SLC16A12: variants seen among roughly 807,000 people sequenced by gnomAD.
SLC16A12 encodes monocarboxylate transporter 12.
In SLC16A12, 17 loss-of-function variants were observed where a neutral mutation model predicts 42.4. The ratio of observed to expected loss-of-function variants is 0.40; its 90% CI spans 0.27 to 0.60. The LOEUF (loss-of-function observed/expected upper bound fraction) is 0.60. Ranked by LOEUF, SLC16A12 falls within the 20% of genes least tolerant of loss-of-function variation. The pLI, the probability that SLC16A12 is intolerant of heterozygous loss-of-function variation, is 0.42. For missense variants in SLC16A12, 544 were observed against 623.0 expected (o/e 0.87, Z 1.35); for synonymous variants, 224 against 229.4 (o/e 0.98, Z 0.21).
chr10:89,530,403 A>C (rs1252043890), intron 2 of SLC16A12, among the ~76,000 whole-genome samples: 1 of 152,010 alleles, frequency 6.6e-6, no homozygotes, highest in African/African-American at 2.4e-5. Context: ...TTAAAATGTA[A>C]AATTTGGTGG....
At chr10:89,539,974 T>C (rs1426712110), upstream of SLC16A12, among the ~76,000 whole-genome samples, 2 of 151,114 alleles carry the variant, frequency 1.3e-5, no homozygotes, top group East Asian at 3.9e-4. Context: ...TCTTTCTTTC[T>C]CTCTTTCTTT....
chr10:89,495,586 C>G (rs764014344), intron 2 of SLC16A12, among the ~76,000 whole-genome samples: 4 of 152,190 alleles, frequency 2.6e-5, no homozygotes, highest in Non-Finnish European at 4.4e-5. Context: ...TTTAATACAC[C>G]TAACCCACTG....
chr10:89,500,619 G>A (rs1842980234), intron 2 of SLC16A12, among the ~76,000 whole-genome samples: 1 of 152,072 alleles, frequency 6.6e-6, no homozygotes, highest in Admixed American at 6.6e-5. Flanking sequence ...AAAATCCTCA[G>A]CAAAATCGGC....
chr10:89,526,794 A>T (rs1158854706), intron 2 of SLC16A12, among the ~76,000 whole-genome samples: 1 of 152,112 alleles, frequency 6.6e-6, no homozygotes, highest in Non-Finnish European at 1.5e-5. Context: ...ACACAGCTCC[A>T]GAGGTGCTCC....
chr10:89,464,247 T>A lies in SLC16A12; in HGVS notation c.-46-1623A>T, dbSNP rs186685647. On this transcript the variant is annotated intron_variant, in intron 2 of 7. Coordinates refer to ENST00000371790, the MANE Select transcript of SLC16A12 (RefSeq NM_213606.4). The stretch of plus-strand genomic sequence containing the variant: ...GCCTGGAAGCAGATTTTCCCCTAAA[T>A]TGAGCCTCCAGTTAAGGACAGTCTC... 4.8e-3 allele frequency among the ~76,000 whole-genome samples: 738 copies of A among 152,306 alleles called. 27 individuals are homozygous for A. Among genetic ancestry groups the A allele is most frequent in the Admixed American group, 0.043 (664 of 15,276 alleles).
intron 2 of SLC16A12, among the ~76,000 whole-genome samples, chr10:89,473,962 C>T (rs1361612893): frequency 6.6e-6 from 1 of 152,202 alleles, no homozygotes. Flanking sequence ...ATCAGCCTCA[C>T]TCCTAGCCCA....
intron 2 of SLC16A12, among the ~76,000 whole-genome samples, chr10:89,546,796 AT>A (rs139877623): frequency 0.095 from 14,394 of 152,316 alleles, 732 homozygotes; most frequent in Non-Finnish European, 0.11. Flanking sequence ...ATGCCCATCA[AT>A]GATAGACTGG....
intron 2 of SLC16A12, among the ~76,000 whole-genome samples, chr10:89,476,594 C>A (rs1842584953): frequency 6.6e-6 from 1 of 152,196 alleles, no homozygotes; most frequent in Non-Finnish European, 1.5e-5. Context: ...CTTCCCAGTT[C>A]TCTGGTTCAG....
intron 3 of SLC16A12, among the ~76,000 whole-genome samples, chr10:89,448,739 G>A (rs554928031): frequency 6.6e-6 from 1 of 152,298 alleles, no homozygotes; most frequent in Admixed American, 6.5e-5. Context: ...TTAACATAGT[G>A]TTGGACGTTC....
intron 2 of SLC16A12, among the ~76,000 whole-genome samples, chr10:89,533,755 G>C (rs1473448467): frequency 6.6e-6 from 1 of 151,096 alleles, no homozygotes; most frequent in East Asian, 1.9e-4. Flanking sequence ...TAAAATTAAA[G>C]GTTTGCACCT....
chr10:89,495,828 T>C (rs1202249740), intron 2 of SLC16A12, among the ~76,000 whole-genome samples: 3 of 152,204 alleles, frequency 2.0e-5, no homozygotes, highest in Non-Finnish European at 4.4e-5. Context: ...GAAAGTTGTC[T>C]TACTACATAT....
intron 2 of SLC16A12, among the ~76,000 whole-genome samples, chr10:89,495,058 C>T (rs1459009963): frequency 6.6e-6 from 1 of 152,080 alleles, no homozygotes; most frequent in East Asian, 1.9e-4. Context: ...TCTAAAAACA[C>T]TAGGAACTGG....
At chr10:89,468,548 CCATT>C (rs546256919) in intron 2 of SLC16A12, among the ~76,000 whole-genome samples, 65 of 152,282 alleles carry the variant, frequency 4.3e-4, no homozygotes, top group African/African-American at 1.5e-3. Flanking sequence ...CGCTTAAGCA[CCATT>C]CATGTGAGTG....
chr10:89,519,714 T>C (rs1299838771), intron 2 of SLC16A12, among the ~76,000 whole-genome samples: 1 of 151,764 alleles, frequency 6.6e-6, no homozygotes, highest in African/African-American at 2.4e-5. Flanking sequence ...GGAAACATCA[T>C]TTTTATTGTC....
chr10:89,433,013 G>A lies in SLC16A12; in HGVS notation c.*51C>T. 2 of 1,603,500 alleles carry A rather than the reference G, an allele frequency of 1.2e-6. No individual in the cohort carries two copies. Among genetic ancestry groups the A allele is most frequent in the Non-Finnish European group, 1.7e-6 (2 of 1,177,532 alleles). ...AAAGTTTCAGAAACATGAAGAATCT[G>A]GTGGCCCCACCTCTCTCAAACCTGA... On this transcript the variant is annotated 3_prime_UTR_variant, in exon 8 of 8. Transcript: ENST00000371790.
rs1841707274 is a variant in SLC16A12, at chr10:89,432,379, G to A, written c.*685C>T. ...ATGGATCTTACCAGATGCCCTTTAA[G>A]ATCTATTCCAACCATGGCATTCCAT... is the stretch of plus-strand genomic sequence containing the variant. On this transcript the variant is annotated 3_prime_UTR_variant, in exon 8 of 8. Transcript: ENST00000371790. 1 of 152,156 alleles carries A rather than the reference G, an allele frequency of 6.6e-6. No homozygotes were observed. Among genetic ancestry groups the A allele is most frequent in the African/African-American group, 2.4e-5 (1 of 41,426 alleles). The allele number at this position is 152,156 out of a possible 1,614,324, so 9.4% of individuals were successfully genotyped here. A position where few individuals can be genotyped will look rare whatever the true frequency, so the allele number is the denominator to read the frequency against.
chr10:89,459,451 G>A (rs1327834135), intron 3 of SLC16A12, among the ~76,000 whole-genome samples: 1 of 151,902 alleles, frequency 6.6e-6, no homozygotes, highest in Non-Finnish European at 1.5e-5. Context: ...TGTGGTGTGT[G>A]TATGAGAATA....
chr10:89,491,027 C>T (rs958634370), intron 2 of SLC16A12, among the ~76,000 whole-genome samples: 2 of 152,210 alleles, frequency 1.3e-5, no homozygotes, highest in African/African-American at 4.8e-5. Flanking sequence ...CATATTAACA[C>T]TTATGAAATT....
intron 2 of SLC16A12, among the ~76,000 whole-genome samples, chr10:89,515,700 A>C (rs1046024128): frequency 1.5e-4 from 23 of 152,166 alleles, no homozygotes; most frequent in African/African-American, 5.6e-4. Flanking sequence ...TGCCCAAAGA[A>C]AACCAGGCTT....
Sources: gnomAD v4.1 joint callset for allele counts (sites outside exome capture counted in the v4.1 genomes callset) on GRCh38, gnomAD v4.1.1 for gene constraint, MANE v1.5 for transcripts, NCBI Gene and HGNC (gene_info 2026-07-23, HGNC 2026-07-21) for gene names.